The following EXOG variants were observed in gnomAD, a reference collection of about 807,000 sequenced individuals.
EXOG encodes nuclease EXOG, mitochondrial.
EXOG carries 27 observed loss-of-function variants against 25.8 expected under a neutral mutation model. The observed-to-expected ratio is 1.05, with a 90% CI of 0.77 to 1.45. The LOEUF is 1.45. Ranked by LOEUF, EXOG falls within the 40% of genes most tolerant of loss-of-function variation. EXOG has a pLI of 0.00. For missense variants in EXOG, 458 were observed against 450.5 expected, an observed-to-expected ratio of 1.02 and a Z score of -0.15; for synonymous variants, 133 against 167.0, an observed-to-expected ratio of 0.80 and a Z score of 1.57.
chr3:38,525,759 A>T lies in EXOG; in HGVS notation c.*1397A>T. On this transcript the variant is annotated 3_prime_UTR_variant, in exon 6 of 6. Coordinates refer to ENST00000287675, the MANE Select transcript of EXOG (RefSeq NM_005107.4). ...GGAGTTTGAGACCAGCCTGGGCAAC[A>T]TAATGAAACCCTATCTTTACAAAAA... is the stretch of plus-strand genomic sequence containing the variant. The T allele has an allele frequency of 2.1e-6, 1 of 469,322 alleles. No individual in the cohort carries two copies. Among genetic ancestry groups the T allele is most frequent in the Non-Finnish European group, 2.8e-6 (1 of 358,522 alleles). 29.1% of individuals were successfully genotyped at this position (469,322 alleles called of 1,614,324 possible).
At chr3:38,498,290 G>C (rs12488862) in intron 2 of EXOG, among the ~76,000 whole-genome samples, 1 of 152,168 alleles carries the variant, frequency 6.6e-6, no homozygotes, top group Non-Finnish European at 1.5e-5. Flanking sequence ...GAGGCTGGGC[G>C]TGGTGGCTCA....
chr3:38,508,133 A>G (rs542254244), intron 5 of EXOG, among the ~76,000 whole-genome samples: 17 of 152,328 alleles, frequency 1.1e-4, no homozygotes, highest in African/African-American at 4.1e-4. Context: ...TCCACCTCGA[A>G]AAAAATAAAA....
intron 3 of EXOG, among the ~76,000 whole-genome samples, chr3:38,502,425 A>G (rs1046891575): frequency 7.2e-5 from 11 of 152,202 alleles, no homozygotes; most frequent in African/African-American, 2.4e-4. Context: ...TTTAATTTGT[A>G]GAAATTTATA....
chr3:38,508,838 T>C (rs942830179), intron 5 of EXOG, among the ~76,000 whole-genome samples: 1 of 152,122 alleles, frequency 6.6e-6, no homozygotes, highest in Admixed American at 6.5e-5. Flanking sequence ...TAGGTCCATA[T>C]GAATAGCCCA....
At chr3:38,517,915 CTTT>C (rs1352021194) in intron 5 of EXOG, among the ~76,000 whole-genome samples, 1 of 152,090 alleles carries the variant, frequency 6.6e-6, no homozygotes, top group Non-Finnish European at 1.5e-5. Context: ...AATAATACTG[CTTT>C]TATTAGTTTT....
rs566505876 is a variant in EXOG, at chr3:38,497,719, A to G, written c.254A>G (p.Asp85Gly). The change falls in exon 2 of 6, where the codon GAT (aspartate) becomes GGT (glycine). Residue 85 changes from aspartate to glycine, a missense_variant. Physicochemically the swap from Asp to Gly is moderately conservative, Grantham distance 94 (BLOSUM62 -1). This residue lies in a region of EXOG where 275 missense variants were observed against 230.5 expected (regional missense o/e 1.19). Coordinates refer to ENST00000287675, the MANE Select transcript of EXOG (RefSeq NM_005107.4). ...RCYTNHALSY[D>G]QAKRVPRWVL... is the part of the protein sequence containing the mutation. ...TACACTAATCACGCTTTGTCTTATG[A>G]TCAGGCAAAGCGGGTGCCTAGATGG... 18 of 1,609,586 alleles carry G rather than the reference A, an allele frequency of 1.1e-5. No homozygotes were observed. Among genetic ancestry groups the G allele is most frequent in the Non-Finnish European group, 1.5e-5 (18 of 1,179,084 alleles).
At chr3:38,498,335 G>A (rs931167169) in intron 2 of EXOG, among the ~76,000 whole-genome samples, 6 of 152,106 alleles carry the variant, frequency 3.9e-5, no homozygotes, top group Admixed American at 6.5e-5. Flanking sequence ...AGGCTGAGGC[G>A]TTTGAGCTCA....
At chr3:38,502,047 C>T (rs1257421200) in intron 3 of EXOG, among the ~76,000 whole-genome samples, 3 of 152,074 alleles carry the variant, frequency 2.0e-5, no homozygotes, top group Non-Finnish European at 2.9e-5. Flanking sequence ...CTCAGCCTCC[C>T]GAGTAGCTGG....
intron 5 of EXOG, among the ~76,000 whole-genome samples, chr3:38,508,473 A>G (rs2060269140): frequency 6.6e-6 from 1 of 152,178 alleles, no homozygotes; most frequent in Non-Finnish European, 1.5e-5. Context: ...GGTGGCTGAA[A>G]TGTTATACTA....
chr3:38,506,959 T>TA lies in EXOG; in HGVS notation c.637dup (p.Ser213LysfsTer18). 6.9e-7 allele frequency: 1 copy of TA among 1,446,710 alleles called. No individual in the cohort carries two copies. The highest frequency in any genetic ancestry group is 9.7e-7 in the Non-Finnish European group (1 of 1,028,230). The allele number at this position is 1,446,710 out of a possible 1,614,324, so 89.6% of individuals were successfully genotyped here. A position where few individuals can be genotyped will look rare whatever the true frequency, so the allele number is the denominator to read the frequency against. On this transcript the variant is annotated frameshift_variant, in exon 5 of 6. Transcript: ENST00000287675. LOFTEE classifies it low-confidence loss of function (END_TRUNC). ...CTAGAGGCGATGGAAAGAAAATAGT[T>TA]AGTTACCAGGTAAGGATGTTTAATA...
chr3:38,496,478 G>T lies in EXOG; in HGVS notation c.111G>T (p.Gln37His). 1 of 1,613,954 alleles carries T rather than the reference G, an allele frequency of 6.2e-7. No homozygotes were observed. The change falls in exon 1 of 6, where the codon CAG (glutamine) becomes CAT (histidine). Residue 37 changes from glutamine to histidine, a missense_variant. Physicochemically the swap from Gln to His is conservative, Grantham distance 24 (BLOSUM62 0). Transcript: ENST00000287675. ...GAAGAGLAALQFFRSQGAEGA... is the reference protein window; with the variant it reads ...GAAGAGLAALHFFRSQGAEGA... The stretch of plus-strand genomic sequence containing the variant: ...CGGGAGCTGGGCTCGCGGCCCTGCA[G>T]TTCTTCCGGAGTCAGGGCGCTGAGG...
chr3:38,496,841 A>C, intron 1 of EXOG: 2 of 1,349,676 alleles, frequency 1.5e-6, no homozygotes, highest in Non-Finnish European at 2.0e-6. Context: ...TTCTCTACTA[A>C]GATTGTTAGC....
intron 1 of EXOG, chr3:38,497,239 G>T (rs902751715): frequency 2.3e-5 from 23 of 1,019,638 alleles, no homozygotes; most frequent in Non-Finnish European, 2.6e-5. Flanking sequence ...CTGACTCACT[G>T]CTGAATGTGT....
At chr3:38,517,825 G>T (rs897376082) in intron 5 of EXOG, among the ~76,000 whole-genome samples, 1 of 152,092 alleles carries the variant, frequency 6.6e-6, no homozygotes, top group African/African-American at 2.4e-5. Flanking sequence ...GGAGCATATG[G>T]TTTTTCAGTT....
At chr3:38,510,436 A>G (rs1430930961) in intron 5 of EXOG, among the ~76,000 whole-genome samples, 2 of 152,152 alleles carry the variant, frequency 1.3e-5, no homozygotes, top group Non-Finnish European at 2.9e-5. Flanking sequence ...CCTGATTTTT[A>G]AAATTGTTCT....
chr3:38,507,619 G>A (rs1409478257), intron 5 of EXOG, among the ~76,000 whole-genome samples: 2 of 152,130 alleles, frequency 1.3e-5, no homozygotes, highest in Non-Finnish European at 2.9e-5. Context: ...TGTTTTAAGC[G>A]TGGGAGAAAT....
intron 5 of EXOG, among the ~76,000 whole-genome samples, chr3:38,514,847 C>T (rs531539527): frequency 4.8e-5 from 7 of 145,352 alleles, no homozygotes; most frequent in Non-Finnish European, 7.5e-5. Context: ...CTTGGCTCAC[C>T]GCAGCCTCCA....
chr3:38,521,728 C>A (rs1470649903), intron 5 of EXOG, among the ~76,000 whole-genome samples: 1 of 152,192 alleles, frequency 6.6e-6, no homozygotes, highest in African/African-American at 2.4e-5. Flanking sequence ...CCTGAATCCC[C>A]TTCGTGCTGT....
Position 38,524,027 on chromosome 3 carries a change from T to C in EXOG, c.772T>C (p.Phe258Leu), listed in dbSNP as rs1476246520. The change falls in exon 6 of 6, where the codon TTC becomes CTC. Residue 258 changes from phenylalanine (F) to leucine (L), a missense_variant. By Grantham distance (22) the Phe-to-Leu change is conservative. Transcript: ENST00000287675. The part of the protein sequence containing the change: ...AFVVPNEAIG[F>L]QPQLTEFQVS... ...TGTGGTACCCAATGAAGCCATCGGC[T>C]TCCAGCCCCAGTTAACTGAATTCCA... The C allele has an allele frequency of 6.2e-7, 1 of 1,614,230 alleles. No individual in the cohort carries two copies. The highest frequency in any genetic ancestry group is 8.5e-7 in the Non-Finnish European group (1 of 1,180,030).
Sources: gnomAD v4.1 joint callset for allele counts (sites outside exome capture counted in the v4.1 genomes callset) on GRCh38, gnomAD v4.1.1 for gene constraint, gnomAD v4.1.1 regional missense constraint, MANE v1.5 for transcripts, NCBI Gene and HGNC (gene_info 2026-07-23, HGNC 2026-07-21) for gene names.